The following ARHGAP6 variants were observed in gnomAD, a reference collection of about 807,000 sequenced individuals.
The protein encoded by ARHGAP6 is rho GTPase-activating protein 6.
In ARHGAP6, 16 loss-of-function variants were observed where a neutral mutation model predicts 55.7. That is an observed-to-expected ratio of 0.29 (90% CI 0.19 to 0.44). The LOEUF is 0.44. Ranked by LOEUF, ARHGAP6 falls within the 20% of genes least tolerant of loss-of-function variation. ARHGAP6 has a pLI of 1.00. For synonymous variants in ARHGAP6, 382 were observed against 360.9 expected (o/e 1.06, Z -0.66); for missense variants, 698 against 808.9 (o/e 0.86, Z 1.66).
At chrX:11,418,791 T>C (rs748291234) in intron 1 of ARHGAP6, among the ~76,000 whole-genome samples, 6 of 111,752 alleles carry the variant, frequency 5.4e-5, no homozygotes, top group Non-Finnish European at 1.1e-4. Context: ...GTCAAAATAA[T>C]CTACAGTGTG....
intron 1 of ARHGAP6, among the ~76,000 whole-genome samples, chrX:11,366,679 T>C (rs986305800): frequency 3.6e-5 from 4 of 112,107 alleles, no homozygotes; most frequent in African/African-American, 6.5e-5. Flanking sequence ...ACTAGAGTCA[T>C]ACTTTGCACA....
intron 1 of ARHGAP6, among the ~76,000 whole-genome samples, chrX:11,410,184 C>T (rs898872077): frequency 3.6e-5 from 4 of 112,054 alleles, no homozygotes; most frequent in Non-Finnish European, 7.5e-5. Flanking sequence ...AAGTCCATAG[C>T]AGCATTATTC....
intron 1 of ARHGAP6, among the ~76,000 whole-genome samples, chrX:11,652,979 G>A (rs148132852): frequency 9.0e-4 from 101 of 112,085 alleles, no homozygotes; most frequent in Middle Eastern, 4.6e-3. Flanking sequence ...ATTGTAGATA[G>A]GATTGTCTTA....
At chrX:11,622,308 T>G (rs1400979569) in intron 1 of ARHGAP6, among the ~76,000 whole-genome samples, 1 of 112,280 alleles carries the variant, frequency 8.9e-6, no homozygotes, top group Non-Finnish European at 1.9e-5. Flanking sequence ...TACCTCATAC[T>G]TCCCACTTTA....
chrX:11,418,181 CA>C (rs1328084499), intron 1 of ARHGAP6, among the ~76,000 whole-genome samples: 1 of 111,778 alleles, frequency 8.9e-6, no homozygotes, highest in African/African-American at 3.3e-5. Flanking sequence ...TCCAAAGAAG[CA>C]GGATGAATAT....
intron 1 of ARHGAP6, among the ~76,000 whole-genome samples, chrX:11,373,122 T>C (rs906878197): frequency 1.5e-4 from 16 of 105,066 alleles, no homozygotes; most frequent in South Asian, 4.2e-4. Flanking sequence ...CACACACACA[T>C]ATATATATAT....
chrX:11,480,288 C>T (rs1448638285), intron 1 of ARHGAP6, among the ~76,000 whole-genome samples: 2 of 111,564 alleles, frequency 1.8e-5, no homozygotes, highest in Admixed American at 1.9e-4. Context: ...TATGATACGA[C>T]ATGGATGAAC....
At chrX:11,169,435 T>A (rs2046058400) in intron 9 of ARHGAP6, 70 bp downstream of exon 9, 1 of 1,057,102 alleles carries the variant, frequency 9.5e-7, no homozygotes, top group African/African-American at 1.9e-5. Context: ...TCTACTAGAA[T>A]TTCATCCTGC....
intron 1 of ARHGAP6, among the ~76,000 whole-genome samples, chrX:11,599,559 T>C: frequency 8.9e-6 from 1 of 112,049 alleles, no homozygotes; most frequent in East Asian, 2.8e-4. Context: ...ATCACTTATA[T>C]GTGGAATCTA....
chrX:11,580,897 C>T (rs944863586), intron 1 of ARHGAP6, among the ~76,000 whole-genome samples: 1 of 112,033 alleles, frequency 8.9e-6, no homozygotes, highest in Non-Finnish European at 1.9e-5. Flanking sequence ...AAGTGTCTTT[C>T]TTACTTCAAG....
chrX:11,151,535 C>T (rs2045777390), intron 10 of ARHGAP6, among the ~76,000 whole-genome samples: 1 of 111,469 alleles, frequency 9.0e-6, no homozygotes, highest in Admixed American at 9.6e-5. Context: ...CTTCTAATCC[C>T]CCTCTGGCAT....
At chrX:11,618,825 CA>C (rs1485756196) in intron 1 of ARHGAP6, among the ~76,000 whole-genome samples, 2 of 111,733 alleles carry the variant, frequency 1.8e-5, no homozygotes, top group Non-Finnish European at 3.8e-5. Context: ...AAGGAAAAGA[CA>C]TTTTACATAG....
chrX:11,340,022 T>A (rs1015409912), intron 1 of ARHGAP6, among the ~76,000 whole-genome samples: 4 of 111,626 alleles, frequency 3.6e-5, no homozygotes, highest in Non-Finnish European at 7.5e-5. Flanking sequence ...CCCTTCTCCA[T>A]CTCCACAGCT....
chrX:11,530,203 C>A (rs997809411), intron 1 of ARHGAP6, among the ~76,000 whole-genome samples: 7 of 111,771 alleles, frequency 6.3e-5, no homozygotes, highest in African/African-American at 2.3e-4. Context: ...ATCCATCCAA[C>A]AAAAGTGTAT....
intron 1 of ARHGAP6, among the ~76,000 whole-genome samples, chrX:11,369,034 T>C (rs755346979): frequency 4.5e-5 from 5 of 111,650 alleles, no homozygotes; most frequent in African/African-American, 1.3e-4. Context: ...CTTTTCCCTT[T>C]CAAAAGTATC....
chrX:11,488,679 G>C (rs1214720114), intron 1 of ARHGAP6, among the ~76,000 whole-genome samples: 31 of 110,604 alleles, frequency 2.8e-4, no homozygotes, highest in South Asian at 7.8e-4. Context: ...TCAGATCAGC[G>C]GCTGCATGAT....
At chrX:11,651,259 A>G (rs919293289) in intron 1 of ARHGAP6, among the ~76,000 whole-genome samples, 6 of 111,606 alleles carry the variant, frequency 5.4e-5, no homozygotes, top group African/African-American at 1.6e-4. Flanking sequence ...AGTACTCATT[A>G]GTTATTTTTC....
chrX:11,386,798 T>C (rs1025036247), intron 1 of ARHGAP6, among the ~76,000 whole-genome samples: 2 of 111,797 alleles, frequency 1.8e-5, no homozygotes, highest in Non-Finnish European at 3.8e-5. Context: ...AAACTATAAA[T>C]AGCAGTAAGG....
chrX:11,584,758 T>A (rs2051706777), intron 1 of ARHGAP6, among the ~76,000 whole-genome samples: 1 of 112,334 alleles, frequency 8.9e-6, no homozygotes, highest in South Asian at 3.7e-4. Flanking sequence ...CTGGCAGTGC[T>A]GATCATTTGA....
Sources: allele counts gnomAD v4.1 joint callset (sites outside exome capture counted in the v4.1 genomes callset), GRCh38; gene constraint gnomAD v4.1.1; transcripts MANE v1.5; gene names NCBI Gene and HGNC (gene_info 2026-07-23, HGNC 2026-07-21).